NUB1: variants seen among roughly 807,000 people sequenced by gnomAD.
NUB1 encodes NEDD8 ultimate buster 1.
NUB1 carries 41 observed loss-of-function variants against 77.1 expected under a neutral mutation model. The observed-to-expected ratio is 0.53, with a 90% CI of 0.41 to 0.69. NUB1 has a LOEUF of 0.69. Ranked by LOEUF, NUB1 falls within the 30% of genes least tolerant of loss-of-function variation. The pLI, the probability that NUB1 is intolerant of heterozygous loss-of-function variation, is 0.00. For missense variants in NUB1, 643 were observed against 743.8 expected (o/e 0.86, Z 1.58); for synonymous variants, 257 against 281.0 (o/e 0.91, Z 0.85).
At chr7:151,358,660 A>G (rs920977149) in intron 7 of NUB1, among the ~76,000 whole-genome samples, 1 of 152,220 alleles carries the variant, frequency 6.6e-6, no homozygotes, top group Admixed American at 6.5e-5. Flanking sequence ...CTTCCATGAA[A>G]GCAGTCCCTA....
intron 2 of NUB1, 75 bp downstream of exon 2, chr7:151,345,541 G>T: frequency 2.4e-6 from 2 of 834,406 alleles, no homozygotes; most frequent in Non-Finnish European, 3.7e-6. Context: ...GAATTGTCAG[G>T]CATGACCATA....
chr7:151,368,219 G>C (rs1797783923), intron 10 of NUB1, among the ~76,000 whole-genome samples: 3 of 152,204 alleles, frequency 2.0e-5, no homozygotes, highest in African/African-American at 7.2e-5. Flanking sequence ...GTCTAGAGGT[G>C]AGCCAGGCCG....
At chr7:151,359,406 G>A (rs1184559678) in intron 7 of NUB1, among the ~76,000 whole-genome samples, 2 of 150,154 alleles carry the variant, frequency 1.3e-5, no homozygotes, top group Non-Finnish European at 2.9e-5. Context: ...TCGCGCCACT[G>A]CACTCCAGCC....
At chr7:151,364,606 C>G (rs1234012195) in intron 8 of NUB1, among the ~76,000 whole-genome samples, 2 of 152,070 alleles carry the variant, frequency 1.3e-5, no homozygotes, top group South Asian at 2.1e-4. Flanking sequence ...CTCACTGCAA[C>G]CTCCGCCTCC....
intron 8 of NUB1, among the ~76,000 whole-genome samples, chr7:151,366,708 C>T (rs139429566): frequency 2.0e-5 from 3 of 152,140 alleles, no homozygotes; most frequent in African/African-American, 4.8e-5. Flanking sequence ...TGGTGGTAAG[C>T]TTTGATTCCT....
At chr7:151,356,612 A>G (rs1245848827) in intron 7 of NUB1, among the ~76,000 whole-genome samples, 1 of 152,200 alleles carries the variant, frequency 6.6e-6, no homozygotes, top group African/African-American at 2.4e-5. Flanking sequence ...AAAAGTCCAC[A>G]GGTGATTCTG....
chr7:151,346,428 G>A (rs1438596350), intron 2 of NUB1, among the ~76,000 whole-genome samples: 1 of 152,216 alleles, frequency 6.6e-6, no homozygotes, highest in Non-Finnish European at 1.5e-5. Context: ...TGCTCATGAG[G>A]CTTGGTTGCC....
At chr7:151,344,414 G>A (rs1417588738) in intron 1 of NUB1, among the ~76,000 whole-genome samples, 5 of 150,470 alleles carry the variant, frequency 3.3e-5, no homozygotes, top group South Asian at 2.1e-4. Flanking sequence ...GGATTCAAGC[G>A]ATTCTCCTGC....
At chr7:151,374,688 C>G (rs1254338517) in intron 12 of NUB1, 3 of 192,884 alleles carry the variant, frequency 1.6e-5, no homozygotes, top group East Asian at 1.4e-4. Context: ...TTCAAAGAAC[C>G]CCTCAGGAGT....
At chr7:151,376,597 C>T in intron 13 of NUB1, 37 bp from the exon 14 acceptor site, 3 of 1,556,934 alleles carry the variant, frequency 1.9e-6, no homozygotes, top group Non-Finnish European at 2.6e-6. Flanking sequence ...GAAGAGGCGC[C>T]AGGGGCTGAT....
chr7:151,360,091 G>A (rs1466354686), intron 7 of NUB1, 50 bp from the exon 8 acceptor site: 5 of 780,196 alleles, frequency 6.4e-6, no homozygotes, highest in African/African-American at 5.3e-5. Flanking sequence ...AATATAATTT[G>A]CCTTATTATA....
intron 7 of NUB1, among the ~76,000 whole-genome samples, chr7:151,358,933 T>C (rs1463103330): frequency 2.0e-5 from 3 of 150,296 alleles, no homozygotes; most frequent in South Asian, 4.2e-4. Flanking sequence ...GGCGTGGTGG[T>C]GGGCGCCTGT....
intron 2 of NUB1, among the ~76,000 whole-genome samples, chr7:151,347,955 G>C (rs1796579220): frequency 6.6e-6 from 1 of 152,200 alleles, no homozygotes; most frequent in Non-Finnish European, 1.5e-5. Flanking sequence ...CTCACATGCA[G>C]ATACAGATTG....
chr7:151,364,377 C>T (rs1029622692), intron 8 of NUB1, among the ~76,000 whole-genome samples: 3 of 148,602 alleles, frequency 2.0e-5, no homozygotes, highest in Admixed American at 6.7e-5. Context: ...GCCGAGATTG[C>T]ACCACTGCAC....
intron 12 of NUB1, chr7:151,374,506 T>C: frequency 7.2e-6 from 4 of 555,756 alleles, no homozygotes; most frequent in South Asian, 4.5e-5. Context: ...GGCCAGGACT[T>C]TGTGTAGGGT....
chr7:151,344,635 T>TC (rs1796393773), intron 1 of NUB1, among the ~76,000 whole-genome samples: 1 of 151,830 alleles, frequency 6.6e-6, no homozygotes, highest in Non-Finnish European at 1.5e-5. Flanking sequence ...TTATTATCGA[T>TC]AGTTTACAGT....
rs1414204866 is a variant in NUB1 at position 151,351,292 on chromosome 7, G to A, written c.286-132G>A. ...TGGGTTATGTTCAGTAGACTTCTAG[G>A]CAGGCAGCATTTTAGTTTTTAACAG... On this transcript the variant is annotated intron_variant, in intron 3 of 14. Transcript: ENST00000568733. 3 of 720,914 alleles carry A rather than the reference G, an allele frequency of 4.2e-6. No individual in the cohort carries two copies. In the African/African-American group the frequency reaches 5.4e-5, roughly 13 times the overall value. 44.7% of individuals were successfully genotyped at this position (720,914 alleles called of 1,614,324 possible). A position where few individuals can be genotyped will look rare whatever the true frequency, so the allele number is the denominator to read the frequency against.
intron 11 of NUB1, among the ~76,000 whole-genome samples, chr7:151,369,784 G>A (rs866341721): frequency 6.6e-6 from 1 of 152,166 alleles, no homozygotes; most frequent in African/African-American, 2.4e-5. Context: ...AGCCATAGAA[G>A]TCTCTAGAAT....
intron 5 of NUB1, among the ~76,000 whole-genome samples, chr7:151,353,874 G>T (rs546038413): frequency 3.3e-5 from 5 of 152,272 alleles, no homozygotes; most frequent in Admixed American, 2.0e-4. Flanking sequence ...GTCATCTCTA[G>T]CAATTTCCCA....
Sources: gnomAD v4.1 joint callset for allele counts (sites outside exome capture counted in the v4.1 genomes callset) on GRCh38, gnomAD v4.1.1 for gene constraint, MANE v1.5 for transcripts, NCBI Gene and HGNC (gene_info 2026-07-23, HGNC 2026-07-21) for gene names.